Variants in EYS observed in about 807,000 individuals in gnomAD.
EYS encodes EGF-like photoreceptor maintenance factor, also known as protein eyes shut homolog.
Under a neutral mutation model 282.1 loss-of-function variants are expected in EYS, and 250 were observed. The ratio of observed to expected loss-of-function variants is 0.89; its 90% confidence interval spans 0.80 to 0.98. The LOEUF is 0.98. Among genes scored for constraint, EYS ranks in the 50% least tolerant of loss-of-function variants. EYS has a pLI of 0.00. For missense variants in EYS, 4,016 were observed against 3,709.0 expected (o/e 1.08, Z -2.15); for synonymous variants, 1,355 against 1,282.9 (o/e 1.06, Z -1.20).
intron 26 of EYS, among the ~76,000 whole-genome samples, chr6:64,562,598 T>C (rs1765431170): frequency 6.6e-6 from 1 of 151,948 alleles, no homozygotes; most frequent in Non-Finnish European, 1.5e-5. Flanking sequence ...CCATTTTTAC[T>C]GTAATTTTTC....
chr6:63,916,638 T>C (rs1188574222), intron 35 of EYS, among the ~76,000 whole-genome samples: 1 of 152,244 alleles, frequency 6.6e-6, no homozygotes, highest in Non-Finnish European at 1.5e-5. Context: ...TCATCAGATA[T>C]ATAATTTGTA....
chr6:64,127,055 ACT>A (rs1335326650), intron 31 of EYS, among the ~76,000 whole-genome samples: 1 of 152,086 alleles, frequency 6.6e-6, no homozygotes, highest in East Asian at 1.9e-4. Context: ...ATAAAATTAA[ACT>A]CTGAAAGGCA....
At chr6:64,905,511 T>C (rs1446960196) in intron 16 of EYS, among the ~76,000 whole-genome samples, 1 of 152,216 alleles carries the variant, frequency 6.6e-6, no homozygotes, top group Non-Finnish European at 1.5e-5. Context: ...CACTGTCTCG[T>C]CTGTGTATGG....
At chr6:64,245,951 G>A (rs919134917) in intron 30 of EYS, among the ~76,000 whole-genome samples, 45 of 143,542 alleles carry the variant, frequency 3.1e-4, no homozygotes, top group African/African-American at 9.9e-4. Flanking sequence ...CCCGGGAGGC[G>A]GAGCTTGCAG....
chr6:65,214,100 A>T (rs1174030005), intron 12 of EYS, among the ~76,000 whole-genome samples: 1 of 134,864 alleles, frequency 7.4e-6, no homozygotes, highest in Non-Finnish European at 1.5e-5. Flanking sequence ...TGGAGCTTGC[A>T]GTGAGCCGAG....
intron 9 of EYS, among the ~76,000 whole-genome samples, chr6:65,346,278 C>T (rs984198380): frequency 2.6e-5 from 4 of 151,112 alleles, no homozygotes; most frequent in African/African-American, 7.3e-5. Context: ...AGACTCCAAA[C>T]GAGAGAGAAC....
intron 26 of EYS, among the ~76,000 whole-genome samples, chr6:64,510,784 T>A (rs1006240877): frequency 6.6e-6 from 1 of 152,202 alleles, no homozygotes; most frequent in Non-Finnish European, 1.5e-5. Flanking sequence ...TCTGTGCATC[T>A]CTCACATATG....
intron 30 of EYS, among the ~76,000 whole-genome samples, chr6:64,296,598 A>ATATT (rs1561913902): frequency 1.1e-3 from 23 of 20,086 alleles, no homozygotes; most frequent in Admixed American, 3.1e-3. Context: ...ATATATATAT[A>ATATT]TTTTTTTTTT....
intron 19 of EYS, among the ~76,000 whole-genome samples, chr6:64,838,703 A>G (rs570468024): frequency 6.6e-6 from 1 of 151,788 alleles, no homozygotes; most frequent in South Asian, 2.1e-4. Context: ...TGCTTATGTG[A>G]TTTTATTTCA....
At position 63,880,450 on chromosome 6, in the gene EYS, T is replaced by G. The variant is rs142096597; in HGVS notation, c.7056-16092A>C. On this transcript the variant is annotated intron_variant, in intron 35 of 42. Transcript: ENST00000503581. ...AGTTAAAACTTAACAAACTTCCCAT[T>G]ATATCTCTGTCTATCTGTCTGTCTG... is the stretch of plus-strand genomic sequence containing the variant. Among the ~76,000 whole-genome samples, 293 of 151,492 alleles carry G rather than the reference T, an allele frequency of 1.9e-3. 1 individual carries two copies. Among genetic ancestry groups the G allele is most frequent in the African/African-American group, 6.5e-3 (269 of 41,122 alleles).
chr6:65,319,129 C>T (rs1438420105), intron 11 of EYS, among the ~76,000 whole-genome samples: 6 of 136,294 alleles, frequency 4.4e-5, no homozygotes. Context: ...GAGGCCAAGG[C>T]AGGTGGATCA....
At chr6:63,817,488 G>A (rs1317935443) in intron 36 of EYS, among the ~76,000 whole-genome samples, 2 of 152,124 alleles carry the variant, frequency 1.3e-5, no homozygotes, top group Admixed American at 6.6e-5. Flanking sequence ...AACCAATCGC[G>A]GATGCAGCTA....
chr6:64,495,527 G>GA (rs1007425766), intron 26 of EYS, among the ~76,000 whole-genome samples: 2 of 151,700 alleles, frequency 1.3e-5, no homozygotes, highest in Non-Finnish European at 3.0e-5. Context: ...GAGACCAATA[G>GA]AAAAAAACTT....
intron 12 of EYS, among the ~76,000 whole-genome samples, chr6:65,170,902 G>T (rs1765089968): frequency 6.6e-6 from 1 of 151,328 alleles, no homozygotes; most frequent in Admixed American, 6.6e-5. Flanking sequence ...GACACAATAA[G>T]ATTCTCCAAA....
At chr6:64,037,744 G>C (rs1770189481) in intron 33 of EYS, among the ~76,000 whole-genome samples, 1 of 152,142 alleles carries the variant, frequency 6.6e-6, no homozygotes, top group Non-Finnish European at 1.5e-5. Context: ...TATTCCATCT[G>C]TCATTATTTC....
At chr6:64,701,142 T>C (rs977933303) in intron 22 of EYS, among the ~76,000 whole-genome samples, 3 of 152,082 alleles carry the variant, frequency 2.0e-5, no homozygotes, top group African/African-American at 4.8e-5. Context: ...ATTCAATAAA[T>C]GGTGCTGGCC....
At chr6:64,096,071 A>G (rs1001542813) in intron 31 of EYS, among the ~76,000 whole-genome samples, 24 of 152,296 alleles carry the variant, frequency 1.6e-4, no homozygotes, top group Non-Finnish European at 2.5e-4. Flanking sequence ...AGAATGTTGA[A>G]TATTGGCCCC....
chr6:64,949,835 T>C (rs1476449626), intron 14 of EYS, among the ~76,000 whole-genome samples: 1 of 151,926 alleles, frequency 6.6e-6, no homozygotes, highest in African/African-American at 2.4e-5. Context: ...CCTTCATATG[T>C]AAAGTACTAA....
At chr6:64,412,818 CT>C (rs1252366472) in intron 28 of EYS, 2 of 152,024 alleles carry the variant, frequency 1.3e-5, no homozygotes, top group Admixed American at 1.3e-4. Flanking sequence ...ATTCAACTTT[CT>C]TTTTCTTTAC....
Sources: gnomAD v4.1 joint callset for allele counts (sites outside exome capture counted in the v4.1 genomes callset) on GRCh38, gnomAD v4.1.1 for gene constraint, MANE v1.5 for transcripts, NCBI Gene and HGNC (gene_info 2026-07-23, HGNC 2026-07-21) for gene names.